NEBL: variants seen among roughly 807,000 people sequenced by gnomAD.
The protein encoded by NEBL is nebulette.
A neutral mutation model predicts 140.2 loss-of-function variants in NEBL; 122 were observed. That is an observed-to-expected ratio of 0.87 (90% CI 0.75 to 1.01). NEBL has a LOEUF of 1.01. Ranked by LOEUF, NEBL falls within the 50% of genes least tolerant of loss-of-function variation. The pLI is 0.00. For missense variants in NEBL, 1,365 were observed against 1,231.3 expected (o/e 1.11, Z -1.62); for synonymous variants, 436 against 398.9 (o/e 1.09, Z -1.11).
chr10:20,853,851 T>C (rs989949455), intron 9 of NEBL, among the ~76,000 whole-genome samples: 3 of 152,120 alleles, frequency 2.0e-5, no homozygotes, highest in African/African-American at 7.2e-5. Context: ...TAGTTAACAA[T>C]AATTTATTGT....
chr10:21,271,307 C>T (rs1490420162), intron 1 of NEBL, among the ~76,000 whole-genome samples: 1 of 152,128 alleles, frequency 6.6e-6, no homozygotes. Flanking sequence ...TCTAAAACTT[C>T]GACTCCTAAA....
chr10:20,852,481 C>A, intron 10 of NEBL, 64 bp downstream of exon 10: 1 of 1,033,106 alleles, frequency 9.7e-7, no homozygotes, highest in South Asian at 1.3e-5. Flanking sequence ...CAGTGAGCGG[C>A]GGGCCTCAGG....
At chr10:21,121,100 T>C (rs1027762060) in intron 2 of NEBL, among the ~76,000 whole-genome samples, 1 of 152,174 alleles carries the variant, frequency 6.6e-6, no homozygotes, top group African/African-American at 2.4e-5. Flanking sequence ...TTCTAAAGTA[T>C]GTTTGGCCCT....
chr10:21,102,646 T>C (rs1397513786), intron 2 of NEBL, among the ~76,000 whole-genome samples: 1 of 152,200 alleles, frequency 6.6e-6, no homozygotes. Context: ...TCATTAAATA[T>C]ATTGATATTT....
At chr10:20,965,848 C>G (rs1000363420) in intron 3 of NEBL, among the ~76,000 whole-genome samples, 2 of 152,164 alleles carry the variant, frequency 1.3e-5, no homozygotes, top group Non-Finnish European at 2.9e-5. Flanking sequence ...GGCCCAGCCT[C>G]AGGGCCCTGG....
chr10:20,944,627 G>A (rs1323332458), intron 4 of NEBL, among the ~76,000 whole-genome samples: 1 of 152,158 alleles, frequency 6.6e-6, no homozygotes, highest in Non-Finnish European at 1.5e-5. Flanking sequence ...GCCAACCTGA[G>A]AGCATGTCTG....
upstream of NEBL, among the ~76,000 whole-genome samples, chr10:20,898,737 C>A (rs1847699493): frequency 6.6e-6 from 1 of 152,142 alleles, no homozygotes; most frequent in Non-Finnish European, 1.5e-5. Context: ...TTCCCCTGAA[C>A]ACAAACCTGT....
intron 2 of NEBL, among the ~76,000 whole-genome samples, chr10:21,053,362 T>C (rs1834863506): frequency 6.6e-6 from 1 of 152,156 alleles, no homozygotes; most frequent in Non-Finnish European, 1.5e-5. Flanking sequence ...CTAGATGCTT[T>C]CTGTGAGTCC....
chr10:21,288,010 CTGAAAAGCAA>C (rs1429391918), intron 1 of NEBL, among the ~76,000 whole-genome samples: 11 of 152,172 alleles, frequency 7.2e-5, no homozygotes, highest in Admixed American at 2.0e-4. Context: ...ATTTTCTCTT[CTGAAAAGCAA>C]TGAATAATGC....
At position 20,889,662 on chromosome 10, in the gene NEBL, T is replaced by G. The variant is rs144066723; in HGVS notation, c.258+183A>C. Among the ~76,000 whole-genome samples, 754 of 152,268 alleles carry G rather than the reference T, an allele frequency of 5.0e-3. 6 individuals are homozygous for G. The highest frequency in any genetic ancestry group is 0.017 in the African/African-American group (725 of 41,564). On this transcript the variant is annotated intron_variant, in intron 3 of 27. Transcript: ENST00000377122. The stretch of plus-strand genomic sequence containing the variant: ...AATAAAATGTATGAAGCATACATAG[T>G]AAAATCTGTCAATCTATATGAGTTA...
At chr10:21,288,821 T>TATATATATATATATAA (rs1843100912) in intron 1 of NEBL, among the ~76,000 whole-genome samples, 1 of 48,462 alleles carries the variant, frequency 2.1e-5, no homozygotes, top group Admixed American at 2.5e-4. Flanking sequence ...TGTGTGTGTG[T>TATATATATATATATAA]ATATATATAT....
chr10:20,812,043 C>G (rs760105477), intron 24 of NEBL, among the ~76,000 whole-genome samples: 2 of 152,104 alleles, frequency 1.3e-5, no homozygotes, highest in African/African-American at 4.8e-5. Context: ...TCAGATGGCT[C>G]TCAACTATTC....
chr10:20,842,567 A>C (rs1841498622), intron 12 of NEBL, among the ~76,000 whole-genome samples: 1 of 152,112 alleles, frequency 6.6e-6, no homozygotes, highest in Non-Finnish European at 1.5e-5. Context: ...ACAAGCTATA[A>C]CTATTTTTTA....
chr10:20,801,237 G>A (rs1837093751), intron 26 of NEBL, among the ~76,000 whole-genome samples: 1 of 151,168 alleles, frequency 6.6e-6, no homozygotes, highest in Non-Finnish European at 1.5e-5. Flanking sequence ...TTTTGAGGCA[G>A]GGTCTTACTC....
chr10:20,923,605 G>C (rs768775082), intron 4 of NEBL, among the ~76,000 whole-genome samples: 11 of 132,456 alleles, frequency 8.3e-5, no homozygotes, highest in Admixed American at 4.5e-4. Flanking sequence ...CTTGAACCCG[G>C]GAGGTGGAAA....
At chr10:21,172,750 G>A (rs955975188) in intron 1 of NEBL, among the ~76,000 whole-genome samples, 4 of 152,158 alleles carry the variant, frequency 2.6e-5, no homozygotes, top group Non-Finnish European at 4.4e-5. Flanking sequence ...GCACTTCTTT[G>A]AGCAGCCAGA....
intron 3 of NEBL, among the ~76,000 whole-genome samples, chr10:20,980,317 T>C (rs1052672388): frequency 1.8e-5 from 2 of 108,982 alleles, no homozygotes. Flanking sequence ...CATAAAAAAG[T>C]TTTTTTTGTT....
At chr10:20,913,993 T>A (rs1848433529) in intron 4 of NEBL, among the ~76,000 whole-genome samples, 1 of 152,194 alleles carries the variant, frequency 6.6e-6, no homozygotes, top group Non-Finnish European at 1.5e-5. Context: ...ATAGCAGACA[T>A]GTCAATAAAT....
chr10:20,939,090 C>A (rs890111720), intron 4 of NEBL, among the ~76,000 whole-genome samples: 5 of 152,066 alleles, frequency 3.3e-5, no homozygotes, highest in African/African-American at 1.2e-4. Flanking sequence ...ACAGAGAACA[C>A]CACAAAGATA....
Sources: gnomAD v4.1 joint callset for allele counts (sites outside exome capture counted in the v4.1 genomes callset) on GRCh38, gnomAD v4.1.1 for gene constraint, MANE v1.5 for transcripts, NCBI Gene and HGNC (gene_info 2026-07-23, HGNC 2026-07-21) for gene names.